Variants in HTR4 observed in about 807,000 individuals in gnomAD.
HTR4 encodes 5-hydroxytryptamine (serotonin) receptor 4, G protein-coupled.
Under a neutral mutation model 36.8 loss-of-function variants are expected in HTR4, and 16 were observed. The observed-to-expected ratio is 0.43, with a 90% CI of 0.29 to 0.66. The LOEUF is 0.66. Among genes scored for constraint, HTR4 ranks in the 30% least tolerant of loss-of-function variants. The pLI is 0.13. For missense variants in HTR4, 438 were observed against 490.9 expected (o/e 0.89, Z 1.02); for synonymous variants, 189 against 185.1 (o/e 1.02, Z -0.17).
Position 148,535,199 on chromosome 5 carries a change from C to A in HTR4, c.354-11853G>T, listed in dbSNP as rs536648226. Among the ~76,000 whole-genome samples, 3 of 152,170 alleles carry A rather than the reference C, an allele frequency of 2.0e-5. No individual in the cohort carries two copies. In the South Asian group the frequency reaches 6.2e-4, roughly 32 times the overall value. On this transcript the variant is annotated intron_variant, in intron 4 of 6. Transcript: ENST00000377888. ...TAAAGACTGTACACAATGCCTTGGC[C>A]CTGTGAAAGCAGGCAGGAAAGGAGT...
At chr5:148,525,598 A>T (rs896171424) in intron 4 of HTR4, among the ~76,000 whole-genome samples, 4 of 152,208 alleles carry the variant, frequency 2.6e-5, no homozygotes, top group Non-Finnish European at 5.9e-5. Context: ...TTATCTCAGC[A>T]GCAGCCCCCT....
At chr5:148,637,094 A>G (rs901204342) in intron 1 of HTR4, 33 bp from the exon 2 acceptor site, 6 of 1,398,640 alleles carry the variant, frequency 4.3e-6, no homozygotes, top group Non-Finnish European at 6.1e-6. Context: ...ATGTTATAAA[A>G]GAAAGCAGCA....
At chr5:148,457,496 T>C (rs1203743741) in intron 5 of HTR4, among the ~76,000 whole-genome samples, 2 of 152,018 alleles carry the variant, frequency 1.3e-5, no homozygotes, top group Non-Finnish European at 2.9e-5. Flanking sequence ...CCCCTCTGCC[T>C]GCCCAGGCTG....
chr5:148,608,236 T>A (rs75551823), intron 2 of HTR4, among the ~76,000 whole-genome samples: 2,200 of 152,258 alleles, frequency 0.014, 100 homozygotes, highest in Admixed American at 0.092. Flanking sequence ...CTGGGTAAAA[T>A]AAGCAGTGCC....
intron 1 of HTR4, among the ~76,000 whole-genome samples, chr5:148,649,053 A>G (rs373654828): frequency 1.3e-5 from 2 of 152,212 alleles, no homozygotes; most frequent in East Asian, 3.8e-4. Flanking sequence ...AACTAATACA[A>G]AAGTTTTCTT....
intron 5 of HTR4, among the ~76,000 whole-genome samples, chr5:148,521,171 A>G (rs1275804865): frequency 6.6e-6 from 1 of 152,188 alleles, no homozygotes; most frequent in Non-Finnish European, 1.5e-5. Context: ...CAGATCATAG[A>G]TTTTGATCTT....
intron 6 of HTR4, among the ~76,000 whole-genome samples, chr5:148,492,876 TG>T (rs984168881): frequency 1.3e-5 from 2 of 152,318 alleles, no homozygotes; most frequent in Middle Eastern, 3.4e-3. Flanking sequence ...CTGTGCTGGG[TG>T]GGATGGCCCT....
chr5:148,652,090 T>C (rs1287187129), intron 1 of HTR4, among the ~76,000 whole-genome samples: 1 of 152,220 alleles, frequency 6.6e-6, no homozygotes, highest in East Asian at 1.9e-4. Context: ...ACAGTGATAA[T>C]ATCAAAGGTG....
At chr5:148,540,415 T>G (rs1327558678) in intron 4 of HTR4, among the ~76,000 whole-genome samples, 1 of 124,516 alleles carries the variant, frequency 8.0e-6, no homozygotes, top group Non-Finnish European at 1.7e-5. Context: ...TATATATATA[T>G]ATATATATAT....
At chr5:148,546,302 G>T (rs1237208379) in intron 4 of HTR4, among the ~76,000 whole-genome samples, 1 of 152,182 alleles carries the variant, frequency 6.6e-6, no homozygotes, top group Non-Finnish European at 1.5e-5. Context: ...ATACCTAACT[G>T]TAGTCATATA....
At chr5:148,558,225 C>T (rs1760044180) in intron 2 of HTR4, among the ~76,000 whole-genome samples, 1 of 152,084 alleles carries the variant, frequency 6.6e-6, no homozygotes, top group Non-Finnish European at 1.5e-5. Context: ...ACAAGAGAGC[C>T]TGTCTAAAAT....
chr5:148,562,863 C>T (rs540397266), intron 2 of HTR4, among the ~76,000 whole-genome samples: 1 of 152,232 alleles, frequency 6.6e-6, no homozygotes, highest in African/African-American at 2.4e-5. Context: ...GATCCCAACC[C>T]TTTACCAGCC....
At chr5:148,559,861 C>A (rs1038655477) in intron 2 of HTR4, among the ~76,000 whole-genome samples, 1 of 152,106 alleles carries the variant, frequency 6.6e-6, no homozygotes, top group African/African-American at 2.4e-5. Context: ...ATAGCAGAAG[C>A]CTTCTTTTCC....
chr5:148,471,993 G>A (rs1047152506), downstream of HTR4, among the ~76,000 whole-genome samples: 6 of 152,196 alleles, frequency 3.9e-5, no homozygotes, highest in African/African-American at 1.4e-4. Flanking sequence ...CCCTGTCCGT[G>A]TGATGCTTTC....
At chr5:148,559,833 A>C (rs2113864495) in intron 2 of HTR4, among the ~76,000 whole-genome samples, 1 of 152,256 alleles carries the variant, frequency 6.6e-6, no homozygotes, top group South Asian at 2.1e-4. Flanking sequence ...CAATGTGCCA[A>C]CAACCTCCAA....
chr5:148,562,949 C>A (rs890856428), intron 2 of HTR4, among the ~76,000 whole-genome samples: 2 of 152,188 alleles, frequency 1.3e-5, no homozygotes, highest in African/African-American at 4.8e-5. Context: ...CAACTGGCAT[C>A]CCTGCTTCCA....
intron 2 of HTR4, among the ~76,000 whole-genome samples, chr5:148,616,280 T>C (rs943907193): frequency 9.2e-5 from 14 of 152,238 alleles, no homozygotes; most frequent in African/African-American, 3.1e-4. Flanking sequence ...GAATTCTCTT[T>C]GATGGAAATT....
intron 2 of HTR4, among the ~76,000 whole-genome samples, chr5:148,615,708 GAAATA>G (rs71001495): frequency 3.0e-3 from 437 of 145,522 alleles, no homozygotes; most frequent in Middle Eastern, 0.01. Flanking sequence ...AAGAAAGAAA[GAAATA>G]AAATAAAATA....
At chr5:148,463,151 AT>A (rs1467961858) in intron 5 of HTR4, among the ~76,000 whole-genome samples, 3 of 99,726 alleles carry the variant, frequency 3.0e-5, no homozygotes, top group African/African-American at 1.2e-4. Flanking sequence ...TTTGCTTTTC[AT>A]TTCTTTTTTT....
Sources: allele counts gnomAD v4.1 joint callset (sites outside exome capture counted in the v4.1 genomes callset), GRCh38; gene constraint gnomAD v4.1.1; transcripts MANE v1.5; gene names NCBI Gene and HGNC (gene_info 2026-07-23, HGNC 2026-07-21).